The following DHRS7B variants were observed in gnomAD, a reference collection of about 807,000 sequenced individuals.
The protein encoded by DHRS7B is peroxisomal reductase activating PPAR-gamma.
A neutral mutation model predicts 26.4 loss-of-function variants in DHRS7B; 24 were observed. The observed-to-expected ratio is 0.91, with a 90% CI of 0.66 to 1.28. DHRS7B has a LOEUF of 1.28. DHRS7B is among the 50% of genes most tolerant of loss of function. The pLI is 0.00. For synonymous variants in DHRS7B, 142 were observed against 166.4 expected (o/e 0.85, Z 1.13); for missense variants, 368 against 419.4 (o/e 0.88, Z 1.07).
intron 6 of DHRS7B, 34 bp downstream of exon 6, chr17:21,188,897 T>C (rs755369449): frequency 1.2e-6 from 2 of 1,613,796 alleles, no homozygotes; most frequent in East Asian, 2.2e-5. Flanking sequence ...CCTATGAAAA[T>C]CTGTCGGTCA....
At chr17:21,172,224 G>A in intron 2 of DHRS7B, 28 bp downstream of exon 2, 3 of 1,590,822 alleles carry the variant, frequency 1.9e-6, no homozygotes, top group Non-Finnish European at 2.6e-6. Context: ...TGCTGCCAGG[G>A]GGCGGGGGTA....
intron 1 of DHRS7B, among the ~76,000 whole-genome samples, chr17:21,154,439 A>G (rs916293678): frequency 1.3e-5 from 2 of 152,242 alleles, no homozygotes; most frequent in African/African-American, 4.8e-5. Flanking sequence ...CTGCACAATT[A>G]TCCTTCAAAA....
rs188172613 is a variant in DHRS7B at position 21,158,994 on chromosome 17, C to T, written c.21-13024C>T. Among the ~76,000 whole-genome samples, 13 of 150,632 alleles carry T rather than the reference C, an allele frequency of 8.6e-5. 1 individual carries two copies. Among genetic ancestry groups the T allele is most frequent in the Admixed American group, 7.9e-4 (12 of 15,136 alleles). ...AAAAATCTAAACACAGACTTCACAA[C>T]TTTCTCAAAAGTTAACTCAAAATGG... On this transcript the variant is annotated intron_variant, in intron 1 of 6. Transcript: ENST00000395511.
intron 1 of DHRS7B, among the ~76,000 whole-genome samples, chr17:21,132,336 T>TA (rs56350315): frequency 0.026 from 3,463 of 133,592 alleles, 43 homozygotes; most frequent in Middle Eastern, 0.056. Context: ...CCCCATCTCT[T>TA]AAAAAAAAAA....
rs562310043 is a variant in DHRS7B at position 21,185,833 on chromosome 17, G to A, written c.619+1370G>A. The stretch of plus-strand genomic sequence containing the variant: ...CTCCTGAGTAGCTGAGATTATAGGC[G>A]TGTACCAGCACACCTGGCTAACTTT... On this transcript the variant is annotated intron_variant, in intron 5 of 6. Transcript: ENST00000395511. Among the ~76,000 whole-genome samples, 19 of 149,598 alleles carry A rather than the reference G, an allele frequency of 1.3e-4. No homozygotes were observed. The East Asian group carries it at 1.4e-3, about 11-fold the overall frequency.
intron 1 of DHRS7B, among the ~76,000 whole-genome samples, chr17:21,164,046 T>TTTTTTTTTTTTTTTTA (rs1974057627): frequency 1.3e-4 from 19 of 147,738 alleles, no homozygotes; most frequent in East Asian, 2.0e-4. Context: ...TTTTTTTTTT[T>TTTTTTTTTTTTTTTTA]GAGACAGGGT....
intron 1 of DHRS7B, chr17:21,127,938 A>C (rs1973137193): frequency 6.6e-6 from 1 of 152,218 alleles, no homozygotes; most frequent in South Asian, 2.1e-4. Flanking sequence ...TACCATGTAC[A>C]TGTCCCCTTT....
At chr17:21,161,051 G>A (rs1244634655) in intron 1 of DHRS7B, among the ~76,000 whole-genome samples, 1 of 152,206 alleles carries the variant, frequency 6.6e-6, no homozygotes, top group Non-Finnish European at 1.5e-5. Flanking sequence ...TTGGGGAGGA[G>A]GGAGAGATGA....
intron 1 of DHRS7B, among the ~76,000 whole-genome samples, chr17:21,144,092 A>G (rs1301940994): frequency 6.6e-6 from 1 of 152,196 alleles, no homozygotes; most frequent in Non-Finnish European, 1.5e-5. Flanking sequence ...ATTTCTTACT[A>G]TCAGGTTGAG....
intron 1 of DHRS7B, 168 bp downstream of exon 1, chr17:21,127,159 C>T: frequency 4.4e-6 from 3 of 676,616 alleles, no homozygotes; most frequent in Non-Finnish European, 6.9e-6. Context: ...AAGGAAGACT[C>T]AGCCCAGGCG....
intron 5 of DHRS7B, among the ~76,000 whole-genome samples, chr17:21,185,557 T>C (rs942063281): frequency 3.3e-5 from 5 of 152,268 alleles, no homozygotes; most frequent in Non-Finnish European, 7.3e-5. Context: ...TTTGTTAATA[T>C]TCTCTTTCAG....
chr17:21,136,935 A>G (rs1973356285), intron 1 of DHRS7B, among the ~76,000 whole-genome samples: 3 of 151,988 alleles, frequency 2.0e-5, no homozygotes, highest in Non-Finnish European at 4.4e-5. Flanking sequence ...TGGTCATATT[A>G]AAGTTTTTTG....
intron 3 of DHRS7B, among the ~76,000 whole-genome samples, chr17:21,183,062 A>G (rs1465444361): frequency 6.6e-6 from 1 of 152,148 alleles, no homozygotes; most frequent in Non-Finnish European, 1.5e-5. Context: ...TCCAATCTCT[A>G]TCTGTTAGAA....
intron 1 of DHRS7B, among the ~76,000 whole-genome samples, chr17:21,149,240 A>C (rs544563671): frequency 6.6e-6 from 1 of 152,280 alleles, no homozygotes; most frequent in South Asian, 2.1e-4. Flanking sequence ...CCTGCCATTC[A>C]AAAATACTGT....
intron 1 of DHRS7B, among the ~76,000 whole-genome samples, chr17:21,151,045 C>T (rs1218815525): frequency 2.6e-5 from 4 of 152,158 alleles, no homozygotes; most frequent in Non-Finnish European, 5.9e-5. Context: ...CTAGATACAT[C>T]GTAGTCAAAC....
intron 1 of DHRS7B, among the ~76,000 whole-genome samples, chr17:21,131,451 A>G (rs1279928879): frequency 6.6e-6 from 1 of 152,232 alleles, no homozygotes; most frequent in African/African-American, 2.4e-5. Context: ...CTAATGCCTT[A>G]TAATTAGCAT....
intron 1 of DHRS7B, among the ~76,000 whole-genome samples, chr17:21,139,330 A>G (rs1973436709): frequency 6.6e-6 from 1 of 152,148 alleles, no homozygotes; most frequent in South Asian, 2.1e-4. Flanking sequence ...AATGTTTTGT[A>G]ACCCCCGTGC....
intron 3 of DHRS7B, among the ~76,000 whole-genome samples, chr17:21,180,940 G>T (rs1974503409): frequency 6.6e-6 from 1 of 152,158 alleles, no homozygotes; most frequent in South Asian, 2.1e-4. Context: ...ATGAATGCAG[G>T]ATGTCTTTCC....
intron 5 of DHRS7B, 124 bp from the exon 6 acceptor site, chr17:21,188,587 C>T (rs1257702256): frequency 4.3e-6 from 5 of 1,159,048 alleles, no homozygotes; most frequent in African/African-American, 1.6e-5. Flanking sequence ...AGCAACATAG[C>T]AAGACGATCA....
Sources: allele counts gnomAD v4.1 joint callset (sites outside exome capture counted in the v4.1 genomes callset), GRCh38; gene constraint gnomAD v4.1.1; transcripts MANE v1.5; gene names NCBI Gene and HGNC (gene_info 2026-07-23, HGNC 2026-07-21).